CAMTA1: variants seen among roughly 807,000 people sequenced by gnomAD.
CAMTA1 encodes the protein calmodulin binding transcription activator 1, also known as calmodulin-binding transcription activator 1.
Under a neutral mutation model 170.9 loss-of-function variants are expected in CAMTA1, and 27 were observed. The ratio of observed to expected loss-of-function variants is 0.16; its 90% confidence interval spans 0.12 to 0.22. The LOEUF (loss-of-function observed/expected upper bound fraction) is 0.22, where lower values mean the gene tolerates loss of function less well. Among genes scored for constraint, CAMTA1 ranks in the 10% least tolerant of loss-of-function variants. The pLI is 1.00. For synonymous variants in CAMTA1, 833 were observed against 891.5 expected (o/e 0.93, Z 1.17); for missense variants, 1,619 against 2,217.2 (o/e 0.73, Z 5.42).
rs923437833 is a variant in CAMTA1, at chr1:7,609,145, G to GC, written c.511-31252dup. ...CTGGCCCCTTCCCACTACCGGCCTA[G>GC]CCCTGCCGCCTGTGCCTTGCCTCCT... is the stretch of plus-strand genomic sequence containing the variant. On this transcript the variant is annotated intron_variant, in intron 6 of 22. Transcript: ENST00000303635. This position sits in a 1 kb window ranked among gnomAD's most constrained non-coding sequence, Gnocchi z 4.4. 1.3e-5 allele frequency among the ~76,000 whole-genome samples: 2 copies of GC among 152,138 alleles called. No homozygotes were observed. Among genetic ancestry groups the GC allele is most frequent in the African/African-American group, 4.8e-5 (2 of 41,436 alleles).
At chr1:7,296,958 C>A (rs1674044469) in intron 5 of CAMTA1, among the ~76,000 whole-genome samples, 1 of 152,154 alleles carries the variant, frequency 6.6e-6, no homozygotes, top group African/African-American at 2.4e-5. Flanking sequence ...GCATGGTGAC[C>A]TGGAAGCCAG....
chr1:6,893,809 C>G (rs543100137), intron 3 of CAMTA1, among the ~76,000 whole-genome samples: 1 of 152,294 alleles, frequency 6.6e-6, no homozygotes, highest in Non-Finnish European at 1.5e-5. Context: ...TTGTATCTTA[C>G]TGACCCTGAC....
chr1:7,430,122 A>G (rs541338111), intron 5 of CAMTA1, among the ~76,000 whole-genome samples: 71 of 152,226 alleles, frequency 4.7e-4, no homozygotes, highest in African/African-American at 1.7e-3. Context: ...GGGGATGTTG[A>G]TGACAATGAT....
At chr1:7,484,450 A>G (rs576418425) in intron 6 of CAMTA1, among the ~76,000 whole-genome samples, 13 of 152,316 alleles carry the variant, frequency 8.5e-5, no homozygotes, top group African/African-American at 3.1e-4. Flanking sequence ...TCATCCGCAG[A>G]ATTTTTAAAG....
At chr1:7,070,422 C>G (rs1163353631) in intron 3 of CAMTA1, among the ~76,000 whole-genome samples, 4 of 152,222 alleles carry the variant, frequency 2.6e-5, no homozygotes, top group Admixed American at 2.6e-4. Context: ...TTTTTCCTCA[C>G]TTGAAAAATG....
intron 4 of CAMTA1, among the ~76,000 whole-genome samples, chr1:7,112,519 C>T (rs1214234120): frequency 6.6e-6 from 1 of 152,166 alleles, no homozygotes; most frequent in Admixed American, 6.5e-5. Context: ...ACACCAGCCC[C>T]AGATCTGACT....
chr1:6,969,433 C>T (rs902592475), intron 3 of CAMTA1, among the ~76,000 whole-genome samples: 12 of 152,160 alleles, frequency 7.9e-5, no homozygotes, highest in Non-Finnish European at 1.5e-4. Context: ...GTTGGACTGC[C>T]GCTTGCCCTG....
At chr1:6,876,953 A>C (rs1316502436) in intron 3 of CAMTA1, among the ~76,000 whole-genome samples, 2 of 152,122 alleles carry the variant, frequency 1.3e-5, no homozygotes, top group Non-Finnish European at 2.9e-5. Flanking sequence ...TAGAGCTGGA[A>C]GGTCTGAGAT....
At chr1:7,255,659 T>C (rs1382903534) in intron 5 of CAMTA1, among the ~76,000 whole-genome samples, 2 of 152,204 alleles carry the variant, frequency 1.3e-5, no homozygotes, top group Non-Finnish European at 2.9e-5. Context: ...CATCGAGTAT[T>C]TATTTTCTCC....
At chr1:7,578,315 T>A (rs1178211470) in intron 6 of CAMTA1, among the ~76,000 whole-genome samples, 1 of 152,118 alleles carries the variant, frequency 6.6e-6, no homozygotes, top group Non-Finnish European at 1.5e-5. Context: ...CAGTGGCTTC[T>A]CCACAAAGAG....
rs148925614 is a variant in CAMTA1 at position 7,007,873 on chromosome 1, G to C, written c.235-83431G>C. On this transcript the variant is annotated intron_variant, in intron 3 of 22. Transcript: ENST00000303635. This position sits in a 1 kb window ranked among gnomAD's most constrained non-coding sequence, Gnocchi z 4.5. Reference sequence around the variant, plus strand: ...AGTAGGCACTCAATGGTTGTAAACTGTATCCACCTACAAAGCCCCTAGAGC... The same window carrying C: ...AGTAGGCACTCAATGGTTGTAAACTCTATCCACCTACAAAGCCCCTAGAGC... Among the ~76,000 whole-genome samples, 16 of 152,292 alleles carry C rather than the reference G, an allele frequency of 1.1e-4. No homozygotes were observed. The East Asian group carries it at 1.9e-3, about 18-fold the overall frequency.
rs533472533 is a variant in CAMTA1 at position 7,609,054 on chromosome 1, C to T, written c.511-31346C>T. ...GTCTCCTGATGCAGGCTGGGCCCCC[C>T]GCAGGGGTGGGGGCAGTGCTGAGTC... is the stretch of plus-strand genomic sequence containing the variant. On this transcript the variant is annotated intron_variant, in intron 6 of 22. Transcript: ENST00000303635. This position sits in a 1 kb window ranked among gnomAD's most constrained non-coding sequence, Gnocchi z 4.4. Among the ~76,000 whole-genome samples, 10 of 152,234 alleles carry T rather than the reference C, an allele frequency of 6.6e-5. 1 individual carries two copies. The highest frequency in any genetic ancestry group is 2.6e-4 in the Admixed American group (4 of 15,300).
intron 9 of CAMTA1, among the ~76,000 whole-genome samples, chr1:7,670,199 G>A (rs1035685516): frequency 1.3e-5 from 2 of 152,174 alleles, no homozygotes; most frequent in African/African-American, 4.8e-5. Context: ...CAGACTCAAG[G>A]ACCTTTGATA....
intron 3 of CAMTA1, among the ~76,000 whole-genome samples, chr1:6,907,928 C>T (rs1003660371): frequency 6.6e-6 from 1 of 152,182 alleles, no homozygotes; most frequent in Non-Finnish European, 1.5e-5. Context: ...AACCCAGAGG[C>T]CTCCCAGCCC....
rs1296249986 is a variant in CAMTA1, at chr1:7,299,479, T to C, written c.438+49853T>C. Among the ~76,000 whole-genome samples, 2 of 152,180 alleles carry C rather than the reference T, an allele frequency of 1.3e-5. No homozygotes were observed. Among genetic ancestry groups the C allele is most frequent in the East Asian group, 3.9e-4 (2 of 5,192 alleles). Reference sequence around the variant, plus strand: ...TTTCTCTGGAATTCTCCCACTTGTTTATAGTCTGGGCAATTTGCCTCCTGC... The same window carrying C: ...TTTCTCTGGAATTCTCCCACTTGTTCATAGTCTGGGCAATTTGCCTCCTGC... On this transcript the variant is annotated intron_variant, in intron 5 of 22. Transcript: ENST00000303635. This position sits in a 1 kb window ranked among gnomAD's most constrained non-coding sequence, Gnocchi z 4.7.
intron 4 of CAMTA1, among the ~76,000 whole-genome samples, chr1:7,103,503 TAC>T (rs1193836460): frequency 3.0e-5 from 4 of 133,046 alleles, no homozygotes; most frequent in South Asian, 2.4e-4. Context: ...ACAACACAGA[TAC>T]ACACTACACA....
chr1:7,034,486 C>T (rs927148260), intron 3 of CAMTA1, among the ~76,000 whole-genome samples: 1 of 152,216 alleles, frequency 6.6e-6, no homozygotes, highest in Non-Finnish European at 1.5e-5. Context: ...AAAGGTGTTA[C>T]AAGGCCTGAG....
intron 4 of CAMTA1, among the ~76,000 whole-genome samples, chr1:7,217,100 C>T (rs1659875588): frequency 6.6e-6 from 1 of 152,126 alleles, no homozygotes; most frequent in South Asian, 2.1e-4. Flanking sequence ...GTAACAATCC[C>T]CATGTGTCAA....
At chr1:7,151,188 G>A (rs547638372) in intron 4 of CAMTA1, among the ~76,000 whole-genome samples, 8 of 152,326 alleles carry the variant, frequency 5.3e-5, no homozygotes, top group South Asian at 4.1e-4. Flanking sequence ...CAGCGCTGGC[G>A]TTCGCGCCTG....
Sources: gnomAD v4.1 joint callset for allele counts (sites outside exome capture counted in the v4.1 genomes callset) on GRCh38, gnomAD v4.1.1 for gene constraint, Gnocchi (gnomAD v3.1) non-coding constraint, MANE v1.5 for transcripts, NCBI Gene and HGNC (gene_info 2026-07-23, HGNC 2026-07-21) for gene names.